The following SDC2 variants were observed in gnomAD, a reference collection of about 807,000 sequenced individuals.
SDC2 encodes syndecan-2.
A neutral mutation model predicts 22.2 loss-of-function variants in SDC2; 13 were observed. The observed-to-expected ratio is 0.59, with a 90% CI of 0.38 to 0.93. The LOEUF is 0.93. Ranked by LOEUF, SDC2 falls within the 40% of genes least tolerant of loss-of-function variation. The probability of loss-of-function intolerance (pLI) is 0.00; values close to 1 mark genes in which losing one functional copy is unlikely to be tolerated. For synonymous variants in SDC2, 94 were observed against 92.8 expected (o/e 1.01, Z -0.07); for missense variants, 235 against 246.8 (o/e 0.95, Z 0.32).
chr8:96,587,100 T>G (rs770567512), intron 1 of SDC2, among the ~76,000 whole-genome samples: 2 of 152,120 alleles, frequency 1.3e-5, no homozygotes, highest in African/African-American at 4.8e-5. Context: ...TTTTTTGTAT[T>G]TTTAGTAGAG....
chr8:96,592,646 C>T (rs1164050484), intron 1 of SDC2, among the ~76,000 whole-genome samples: 3 of 152,154 alleles, frequency 2.0e-5, no homozygotes, highest in Non-Finnish European at 2.9e-5. Context: ...AATTTTAATA[C>T]TAAACTCTTA....
chr8:96,494,280 C>G lies in SDC2; in HGVS notation c.9C>G (p.Arg3=). Reference sequence around the variant, plus strand: ...GCCGGTCCCTGGGGAATATGCGGCGCGCGTGGATCCTGCTCACCTTGGGCT... The same window carrying G: ...GCCGGTCCCTGGGGAATATGCGGCGGGCGTGGATCCTGCTCACCTTGGGCT... MR[R]AWILLTLGLV... is the part of the protein sequence containing the mutation. The change falls in exon 1 of 5, where the codon CGC becomes CGG. Residue 3 remains arginine, a synonymous_variant. Transcript: ENST00000302190. The G allele has an allele frequency of 1.9e-6, 3 of 1,546,058 alleles. No individual in the cohort carries two copies. The highest frequency in any genetic ancestry group is 1.7e-6 in the Non-Finnish European group (2 of 1,149,172).
intron 1 of SDC2, among the ~76,000 whole-genome samples, chr8:96,574,228 A>T (rs1428007369): frequency 6.6e-6 from 1 of 152,102 alleles, no homozygotes; most frequent in African/African-American, 2.4e-5. Context: ...GGGGTTGGCA[A>T]GGCTGGACAC....
intron 1 of SDC2, among the ~76,000 whole-genome samples, chr8:96,578,246 CT>C (rs1190899144): frequency 6.6e-6 from 1 of 152,208 alleles, no homozygotes; most frequent in Non-Finnish European, 1.5e-5. Context: ...CTTAAATTCT[CT>C]TTAGAGCTGC....
chr8:96,590,795 AT>A (rs1208172430), intron 1 of SDC2, among the ~76,000 whole-genome samples: 2 of 152,094 alleles, frequency 1.3e-5, no homozygotes, highest in Non-Finnish European at 2.9e-5. Context: ...GAGAACTTTG[AT>A]TTCAAAATTA....
chr8:96,534,310 G>A (rs1454990332), intron 1 of SDC2, among the ~76,000 whole-genome samples: 1 of 152,216 alleles, frequency 6.6e-6, no homozygotes, highest in Admixed American at 6.5e-5. Context: ...CAGAGCGGAC[G>A]CTGAGGCTGA....
In SDC2 at chr8:96,503,758, A is replaced by G. The variant is rs368546184; in HGVS notation, c.60+9427A>G. ...AATTTCAATCAAAAAATGGCACCAG[A>G]GCTAGATTGTTGTTTAAGTAAGTTC... On this transcript the variant is annotated intron_variant, in intron 1 of 4. Transcript: ENST00000302190. 1.2e-4 allele frequency among the ~76,000 whole-genome samples: 18 copies of G among 152,334 alleles called. 1 individual carries two copies. The highest frequency in any genetic ancestry group is 3.9e-4 in the East Asian group (2 of 5,186).
intron 2 of SDC2, 21 bp from the exon 3 acceptor site, chr8:96,602,374 C>T: frequency 1.2e-6 from 2 of 1,612,568 alleles, no homozygotes; most frequent in South Asian, 2.2e-5. Context: ...ATGCTCAGTT[C>T]ATCTTCACTT....
chr8:96,496,066 C>G (rs576098492), intron 1 of SDC2, among the ~76,000 whole-genome samples: 1 of 152,278 alleles, frequency 6.6e-6, no homozygotes, highest in African/African-American at 2.4e-5. Context: ...TAATAAATTT[C>G]AAGAGCCTGC....
At chr8:96,555,790 A>T (rs1203530715) in intron 1 of SDC2, among the ~76,000 whole-genome samples, 1 of 152,126 alleles carries the variant, frequency 6.6e-6, no homozygotes, top group Non-Finnish European at 1.5e-5. Flanking sequence ...CATTTTTCAA[A>T]ATCCCTTTAT....
At chr8:96,518,447 G>A (rs919679843) in intron 1 of SDC2, among the ~76,000 whole-genome samples, 1 of 148,298 alleles carries the variant, frequency 6.7e-6, no homozygotes, top group African/African-American at 2.5e-5. Flanking sequence ...TGCAAGCTCC[G>A]CCTCCCAGGT....
chr8:96,604,770 G>A (rs546073524), intron 3 of SDC2, among the ~76,000 whole-genome samples: 1 of 152,316 alleles, frequency 6.6e-6, no homozygotes, highest in African/African-American at 2.4e-5. Flanking sequence ...CAAACAACCA[G>A]ACATGGATGT....
At chr8:96,495,349 G>A (rs1023398176) in intron 1 of SDC2, among the ~76,000 whole-genome samples, 1 of 152,228 alleles carries the variant, frequency 6.6e-6, no homozygotes, top group Non-Finnish European at 1.5e-5. Context: ...TCGGGGGCTG[G>A]AGCTTGTTTC....
At chr8:96,526,562 G>A (rs984658763) in intron 1 of SDC2, among the ~76,000 whole-genome samples, 11 of 152,156 alleles carry the variant, frequency 7.2e-5, no homozygotes, top group Non-Finnish European at 1.5e-4. Flanking sequence ...GAAGGCCAAC[G>A]CAGGTTGCAC....
chr8:96,593,409 T>C, intron 1 of SDC2, 71 bp from the exon 2 acceptor site: 1 of 1,026,962 alleles, frequency 9.7e-7, no homozygotes, highest in South Asian at 1.3e-5. Context: ...AGTATGTACC[T>C]GAACAATCAG....
chr8:96,573,687 T>TA, intron 1 of SDC2, among the ~76,000 whole-genome samples: 1 of 152,162 alleles, frequency 6.6e-6, no homozygotes, highest in East Asian at 1.9e-4. Flanking sequence ...TGGCACTTCT[T>TA]ACACAATTCC....
chr8:96,586,634 A>G (rs1814692203), intron 1 of SDC2: 1 of 152,194 alleles, frequency 6.6e-6, no homozygotes, highest in Non-Finnish European at 1.5e-5. Context: ...AGCTTCATGG[A>G]ACTAGAGGAA....
chr8:96,593,894 G>A (rs988460239), intron 2 of SDC2, among the ~76,000 whole-genome samples: 2 of 152,250 alleles, frequency 1.3e-5, no homozygotes, highest in Admixed American at 6.5e-5. Context: ...AGATTTGGGG[G>A]CTTGGCACAT....
intron 1 of SDC2, among the ~76,000 whole-genome samples, chr8:96,541,759 C>T (rs1228182508): frequency 6.6e-6 from 1 of 152,072 alleles, no homozygotes; most frequent in Non-Finnish European, 1.5e-5. Flanking sequence ...GAAAAGAGTT[C>T]TGGAGATGAA....
Sources: allele counts gnomAD v4.1 joint callset (sites outside exome capture counted in the v4.1 genomes callset), GRCh38; gene constraint gnomAD v4.1.1; transcripts MANE v1.5; gene names NCBI Gene and HGNC (gene_info 2026-07-23, HGNC 2026-07-21).